LSM14A: variants seen among roughly 807,000 people sequenced by gnomAD.
The protein encoded by LSM14A is LSM14A mRNA processing body assembly factor.
LSM14A carries 14 observed loss-of-function variants against 52.4 expected under a neutral mutation model. The ratio of observed to expected loss-of-function variants is 0.27; its 90% CI spans 0.18 to 0.42. LSM14A has a LOEUF of 0.42. Ranked by LOEUF, LSM14A falls within the 10% of genes least tolerant of loss-of-function variation. LSM14A has a pLI of 1.00. For missense variants in LSM14A, 417 were observed against 581.8 expected, an observed-to-expected ratio of 0.72 and a Z score of 2.91; for synonymous variants, 185 against 200.3, an observed-to-expected ratio of 0.92 and a Z score of 0.64.
chr19:34,217,352 T>A (rs2072695626), intron 6 of LSM14A, among the ~76,000 whole-genome samples: 1 of 151,690 alleles, frequency 6.6e-6, no homozygotes, highest in Non-Finnish European at 1.5e-5. Context: ...TTTAATAAGG[T>A]TTTATATTTT....
intron 3 of LSM14A, among the ~76,000 whole-genome samples, chr19:34,204,532 G>A: frequency 6.7e-6 from 1 of 148,792 alleles, no homozygotes. Context: ...GGGAACATAG[G>A]GAGACCTTGT....
chr19:34,225,657 T>G (rs2073303189), intron 9 of LSM14A, among the ~76,000 whole-genome samples: 1 of 152,112 alleles, frequency 6.6e-6, no homozygotes, highest in Admixed American at 6.5e-5. Context: ...CACACTCACA[T>G]TAGATGATAA....
intron 1 of LSM14A, among the ~76,000 whole-genome samples, chr19:34,173,737 A>T (rs557207323): frequency 3.8e-4 from 58 of 152,282 alleles, no homozygotes; most frequent in African/African-American, 1.3e-3. Flanking sequence ...AAGCTAGATA[A>T]CCTAGGTGAT....
intron 3 of LSM14A, among the ~76,000 whole-genome samples, chr19:34,205,487 CAAAAAAAAAA>C (rs140536208): frequency 5.5e-4 from 52 of 95,232 alleles, no homozygotes; most frequent in East Asian, 4.8e-3. Context: ...CTCCATCTCA[CAAAAAAAAAA>C]AAAAAAAAAA....
In LSM14A at chr19:34,194,774, A is replaced by G. The variant is rs564627666; in HGVS notation, c.285+133A>G. 1.1e-5 allele frequency: 9 copies of G among 800,484 alleles called. No individual in the cohort carries two copies. The Admixed American group carries it at 1.5e-4, about 13-fold the overall frequency. 49.6% of individuals were successfully genotyped at this position (800,484 alleles called of 1,614,324 possible). ...ACTGGGATACCTGAAATTACTGGATAATGTTCTCATCTAGGTTTTTCTCTT... is the reference window on the plus strand; with the variant it reads ...ACTGGGATACCTGAAATTACTGGATGATGTTCTCATCTAGGTTTTTCTCTT... On this transcript the variant is annotated intron_variant, in intron 2 of 9. Transcript: ENST00000544216.
At chr19:34,182,171 T>G (rs956232324) in intron 1 of LSM14A, among the ~76,000 whole-genome samples, 4 of 152,240 alleles carry the variant, frequency 2.6e-5, no homozygotes, top group Admixed American at 2.6e-4. Flanking sequence ...AGTTGATTCT[T>G]TCTCCTCCTC....
At chr19:34,224,931 C>G (rs147227596) in intron 9 of LSM14A, among the ~76,000 whole-genome samples, 1 of 152,314 alleles carries the variant, frequency 6.6e-6, no homozygotes, top group Non-Finnish European at 1.5e-5. Flanking sequence ...CCTTTACAGC[C>G]TTGCCCAAGT....
intron 3 of LSM14A, among the ~76,000 whole-genome samples, chr19:34,199,982 C>T (rs2071172319): frequency 6.6e-6 from 1 of 152,188 alleles, no homozygotes; most frequent in Non-Finnish European, 1.5e-5. Flanking sequence ...ACACAGACAT[C>T]TGGTGGTTAC....
At chr19:34,217,361 T>C (rs998365560) in intron 6 of LSM14A, among the ~76,000 whole-genome samples, 13 of 151,728 alleles carry the variant, frequency 8.6e-5, no homozygotes, top group Admixed American at 7.9e-4. Context: ...GTTTTATATT[T>C]TCTTTATCTG....
intron 3 of LSM14A, among the ~76,000 whole-genome samples, chr19:34,201,135 A>G (rs1001252503): frequency 2.0e-5 from 3 of 152,176 alleles, no homozygotes; most frequent in Admixed American, 6.5e-5. Context: ...GGGTGTCACA[A>G]AAGTAGAAGA....
Position 34,227,487 on chromosome 19 carries a change from T to A in LSM14A, c.*99T>A. The A allele has an allele frequency of 1.1e-6, 1 of 916,664 alleles. No homozygotes were observed. The highest frequency in any genetic ancestry group is 1.7e-6 in the Non-Finnish European group (1 of 605,256). The allele number at this position is 916,664 out of a possible 1,614,324, so 56.8% of individuals were successfully genotyped here. On this transcript the variant is annotated 3_prime_UTR_variant, in exon 10 of 10. Coordinates refer to ENST00000544216, the MANE Select transcript of LSM14A (RefSeq NM_015578.4). ...AAAGAATGAAGAAGTGAATTCGCTG[T>A]ACATTTGTCACCAGCACTGGGTTTT...
intron 9 of LSM14A, among the ~76,000 whole-genome samples, chr19:34,224,469 G>T (rs2073238171): frequency 6.6e-6 from 1 of 152,216 alleles, no homozygotes; most frequent in Non-Finnish European, 1.5e-5. Flanking sequence ...ATATATTGCA[G>T]AATTGAAAAT....
At chr19:34,196,891 T>C in intron 3 of LSM14A, 128 bp downstream of exon 3, 2 of 776,820 alleles carry the variant, frequency 2.6e-6, no homozygotes, top group East Asian at 5.8e-5. Flanking sequence ...TGTTTTATGG[T>C]ATTCAGAACA....
At chr19:34,172,844 C>A (rs1033738152) in intron 1 of LSM14A, 81 bp downstream of exon 1, 1 of 1,435,484 alleles carries the variant, frequency 7.0e-7, no homozygotes, top group African/African-American at 1.5e-5. Context: ...GCGGCCTCCT[C>A]GTTCCCTCCC....
In LSM14A at chr19:34,218,197, G is replaced by C. The variant is rs573461112; in HGVS notation, c.782-1194G>C. Among the ~76,000 whole-genome samples, 247 of 151,946 alleles carry C rather than the reference G, an allele frequency of 1.6e-3. 1 individual carries two copies. The highest frequency in any genetic ancestry group is 5.4e-3 in the African/African-American group (222 of 41,412). ...GTTTCTGTATTTTTAGTAGAGATGG[G>C]GTTTCACCTTGTTGGTCAGGCTGGT... On this transcript the variant is annotated intron_variant, in intron 6 of 9. Transcript: ENST00000544216.
At chr19:34,178,424 G>A (rs1294125215) in intron 1 of LSM14A, among the ~76,000 whole-genome samples, 1 of 152,168 alleles carries the variant, frequency 6.6e-6, no homozygotes, top group Admixed American at 6.5e-5. Context: ...AGGCTTTGAT[G>A]TCAATCTGCT....
intron 3 of LSM14A, among the ~76,000 whole-genome samples, chr19:34,200,250 T>C (rs1190217831): frequency 2.0e-5 from 3 of 152,228 alleles, no homozygotes; most frequent in African/African-American, 7.2e-5. Flanking sequence ...TGGCAAAGAC[T>C]GAAGAGACAT....
At chr19:34,176,403 G>T (rs1364987132) in intron 1 of LSM14A, among the ~76,000 whole-genome samples, 1 of 151,974 alleles carries the variant, frequency 6.6e-6, no homozygotes, top group Non-Finnish European at 1.5e-5. Flanking sequence ...ACCACCCAGG[G>T]CAAGACAGAC....
chr19:34,214,983 C>G (rs923292967), intron 4 of LSM14A, 141 bp from the exon 5 acceptor site: 61 of 497,044 alleles, frequency 1.2e-4, no homozygotes, highest in Non-Finnish European at 1.9e-4. Context: ...TTCTTAATAT[C>G]TGGTCTGATA....
Sources: gnomAD v4.1 joint callset for allele counts (sites outside exome capture counted in the v4.1 genomes callset) on GRCh38, gnomAD v4.1.1 for gene constraint, MANE v1.5 for transcripts, NCBI Gene and HGNC (gene_info 2026-07-23, HGNC 2026-07-21) for gene names.